Variants in NALF1 observed in about 807,000 individuals in gnomAD.
NALF1 encodes the protein family with sequence similarity 155 member A.
In NALF1, 3 loss-of-function variants were observed where a neutral mutation model predicts 48.4. The observed-to-expected ratio is 0.06, with a 90% CI of 0.03 to 0.16. The LOEUF (loss-of-function observed/expected upper bound fraction) is 0.16, where lower values mean the gene tolerates loss of function less well. Among genes scored for constraint, NALF1 ranks in the 10% least tolerant of loss-of-function variants. NALF1 has a pLI of 1.00. For synonymous variants in NALF1, 262 were observed against 245.7 expected, an observed-to-expected ratio of 1.07 and a Z score of -0.62; for missense variants, 526 against 571.5, an observed-to-expected ratio of 0.92 and a Z score of 0.81.
intron 1 of NALF1, among the ~76,000 whole-genome samples, chr13:107,823,490 G>A (rs988874723): frequency 1.3e-5 from 2 of 152,156 alleles, no homozygotes; most frequent in African/African-American, 4.8e-5. Flanking sequence ...AAGAACCCAT[G>A]TCTGGATTTG....
At chr13:107,252,475 AAGAG>A (rs765371303) in intron 1 of NALF1, among the ~76,000 whole-genome samples, 1 of 151,228 alleles carries the variant, frequency 6.6e-6, no homozygotes, top group African/African-American at 2.4e-5. Flanking sequence ...GAAAGAGAGA[AAGAG>A]AGAGAGGAGA....
intron 1 of NALF1, among the ~76,000 whole-genome samples, chr13:107,691,835 T>C (rs1377715250): frequency 6.6e-6 from 1 of 152,094 alleles, no homozygotes; most frequent in Non-Finnish European, 1.5e-5. Context: ...GCAAGGTAGG[T>C]TTAAACAAGA....
At chr13:107,274,801 T>C (rs1363588708) in intron 1 of NALF1, among the ~76,000 whole-genome samples, 1 of 152,092 alleles carries the variant, frequency 6.6e-6, no homozygotes, top group Non-Finnish European at 1.5e-5. Flanking sequence ...TGTAAGAGAA[T>C]ACTGACAGGG....
intron 1 of NALF1, among the ~76,000 whole-genome samples, chr13:107,857,187 T>G (rs1880459400): frequency 6.6e-6 from 1 of 152,202 alleles, no homozygotes. Flanking sequence ...AGGTTTGCCT[T>G]GTCTGGTAGC....
intron 1 of NALF1, among the ~76,000 whole-genome samples, chr13:107,438,569 C>T (rs9555363): frequency 0.011 from 1,691 of 151,740 alleles, 61 homozygotes; most frequent in Admixed American, 0.06. Context: ...TTTGGGAGGC[C>T]GAGGTGGGAG....
At chr13:107,721,150 G>GT (rs1181261070) in intron 1 of NALF1, among the ~76,000 whole-genome samples, 2 of 134,370 alleles carry the variant, frequency 1.5e-5, no homozygotes, top group African/African-American at 5.7e-5. Context: ...ACACACACAC[G>GT]TAATGAAATA....
At chr13:107,416,355 C>T (rs191697995) in intron 1 of NALF1, among the ~76,000 whole-genome samples, 1 of 151,808 alleles carries the variant, frequency 6.6e-6, no homozygotes, top group Non-Finnish European at 1.5e-5. Context: ...AGAGAGTATG[C>T]CTGCTTCTCC....
At chr13:107,674,040 G>A (rs996243069) in intron 1 of NALF1, among the ~76,000 whole-genome samples, 31 of 151,720 alleles carry the variant, frequency 2.0e-4, no homozygotes, top group African/African-American at 6.8e-4. Context: ...CCAAAGACAA[G>A]AGCAACACCA....
intron 1 of NALF1, among the ~76,000 whole-genome samples, chr13:107,472,069 C>G (rs374222954): frequency 2.7e-4 from 41 of 152,292 alleles, no homozygotes; most frequent in African/African-American, 8.2e-4. Flanking sequence ...CATTGGCTCA[C>G]GCCTGTAATC....
At position 107,519,287 on chromosome 13, in the gene NALF1, A is replaced by G. The variant is rs115162728; in HGVS notation, c.916-308532T>C. On this transcript the variant is annotated intron_variant, in intron 1 of 2. Coordinates refer to ENST00000375915, the MANE Select transcript of NALF1 (RefSeq NM_001080396.3). ...TATTTGATTGCAGGTTATTAACAAT[A>G]AAGTTGTATTGTGCACAGAATACTG... Among the ~76,000 whole-genome samples the G allele has an allele frequency of 7.3e-3, 1,108 of 152,230 alleles. 12 individuals are homozygous for G. The highest frequency in any genetic ancestry group is 0.024 in the African/African-American group (1,001 of 41,482).
At chr13:107,691,522 C>T (rs975288483) in intron 1 of NALF1, among the ~76,000 whole-genome samples, 2 of 152,214 alleles carry the variant, frequency 1.3e-5, no homozygotes, top group Non-Finnish European at 1.5e-5. Context: ...TTCCTTCTCA[C>T]ATGCACAGAA....
At position 107,681,996 on chromosome 13, in the gene NALF1, G is replaced by C. The variant is rs76517004; in HGVS notation, c.915+183686C>G. Among the ~76,000 whole-genome samples the C allele has an allele frequency of 4.5e-3, 686 of 152,280 alleles. 17 individuals are homozygous for C. In the East Asian group the frequency reaches 0.059, roughly 13 times the overall value. On this transcript the variant is annotated intron_variant, in intron 1 of 2. Coordinates refer to ENST00000375915, the MANE Select transcript of NALF1 (RefSeq NM_001080396.3). ...CTCCTGTGGAAATCCTACAACCACA[G>C]TGCACCCAGATGACCTCCTGGTCTT...
rs1484294295 is a variant in NALF1 at position 107,556,290 on chromosome 13, TATATATAC to T, written c.915+309384_915+309391del. On this transcript the variant is annotated intron_variant, in intron 1 of 2. Transcript: ENST00000375915. Reference sequence around the variant, plus strand: ...CTCTCAACATATATATATATATATATATATATACACACACACACACACACACACATATA... The same window carrying T: ...CTCTCAACATATATATATATATATATACACACACACACACACACACATATA... Among the ~76,000 whole-genome samples, 818 of 137,324 alleles carry T rather than the reference TATATATAC, an allele frequency of 6.0e-3. 8 individuals are homozygous for T. The highest frequency in any genetic ancestry group is 9.5e-3 in the African/African-American group (343 of 35,998). The allele number at this position is 137,324 out of a possible 152,430, so 90.1% of individuals were successfully genotyped here.
chr13:107,516,842 G>C (rs943862557), intron 1 of NALF1, among the ~76,000 whole-genome samples: 6 of 152,208 alleles, frequency 3.9e-5, no homozygotes, highest in Admixed American at 6.5e-5. Flanking sequence ...ATTAAAGTTT[G>C]TGGTTTGTCA....
Position 107,197,242 on chromosome 13 carries a change from T to C in NALF1, c.1087+13342A>G, listed in dbSNP as rs138522300. Among the ~76,000 whole-genome samples the C allele has an allele frequency of 3.0e-4, 45 of 152,324 alleles. No individual in the cohort carries two copies. In the East Asian group the frequency reaches 3.7e-3, roughly 12 times the overall value. ...GAAATAAATATCTTTTCTTTATACA[T>C]TACCTAGTCTTTGGTATTCTGTCAT... On this transcript the variant is annotated intron_variant, in intron 2 of 2. Transcript: ENST00000375915.
chr13:107,694,952 C>A (rs1707998201), intron 1 of NALF1, among the ~76,000 whole-genome samples: 1 of 152,012 alleles, frequency 6.6e-6, no homozygotes, highest in African/African-American at 2.4e-5. Flanking sequence ...TCCAACATGC[C>A]TGGTTAATTT....
chr13:107,174,946 C>G (rs561920495), intron 2 of NALF1, among the ~76,000 whole-genome samples: 5 of 150,860 alleles, frequency 3.3e-5, no homozygotes, highest in Admixed American at 2.6e-4. Flanking sequence ...TGCAGCGGCG[C>G]GATCTCGGCT....
chr13:107,166,648 T>C lies in NALF1; in HGVS notation c.*3849A>G, dbSNP rs753408910. 2 of 152,196 alleles carry C rather than the reference T, an allele frequency of 1.3e-5. No individual in the cohort carries two copies. Among genetic ancestry groups the C allele is most frequent in the Non-Finnish European group, 2.9e-5 (2 of 68,036 alleles). 9.4% of individuals were successfully genotyped at this position (152,196 alleles called of 1,614,324 possible). A position where few individuals can be genotyped will look rare whatever the true frequency, so the allele number is the denominator to read the frequency against. On this transcript the variant is annotated 3_prime_UTR_variant, in exon 3 of 3. Coordinates refer to ENST00000375915, the MANE Select transcript of NALF1 (RefSeq NM_001080396.3). ...TATGCCAATTCAGGTATTTGGCACA[T>C]GGGTCTGGCATCCAATTGCTTATTT... is the stretch of plus-strand genomic sequence containing the variant.
chr13:107,549,374 T>C (rs918404592), intron 1 of NALF1, among the ~76,000 whole-genome samples: 4 of 152,172 alleles, frequency 2.6e-5, no homozygotes, highest in African/African-American at 9.7e-5. Context: ...TTTTAAGAGG[T>C]TGCCATTAAG....
Sources: allele counts gnomAD v4.1 joint callset (sites outside exome capture counted in the v4.1 genomes callset), GRCh38; gene constraint gnomAD v4.1.1; transcripts MANE v1.5; gene names NCBI Gene and HGNC (gene_info 2026-07-23, HGNC 2026-07-21).